Variants in SGCZ observed in about 807,000 individuals in gnomAD.
SGCZ encodes sarcoglycan zeta.
Under a neutral mutation model 41.3 loss-of-function variants are expected in SGCZ, and 40 were observed. That is an observed-to-expected ratio of 0.97 (90% CI 0.75 to 1.26). The LOEUF (loss-of-function observed/expected upper bound fraction) is 1.26, where lower values mean the gene tolerates loss of function less well. Among genes scored for constraint, SGCZ ranks in the 50% most tolerant of loss-of-function variants. SGCZ has a pLI of 0.00. For missense variants in SGCZ, 552 were observed against 369.8 expected, an observed-to-expected ratio of 1.49 and a Z score of -4.04; for synonymous variants, 206 against 137.5, an observed-to-expected ratio of 1.50 and a Z score of -3.49.
chr8:14,453,447 G>T (rs1800655966), intron 2 of SGCZ, among the ~76,000 whole-genome samples: 1 of 151,996 alleles, frequency 6.6e-6, no homozygotes, highest in Non-Finnish European at 1.5e-5. Context: ...TTTCTTGTTT[G>T]GGTACTAAGT....
At chr8:15,077,416 C>T (rs1805575810) in intron 1 of SGCZ, among the ~76,000 whole-genome samples, 1 of 152,170 alleles carries the variant, frequency 6.6e-6, no homozygotes, top group Admixed American at 6.5e-5. Context: ...AAAGTAAGAA[C>T]TTGTTGCAAG....
At chr8:15,193,367 G>T (rs1040479534) in intron 1 of SGCZ, among the ~76,000 whole-genome samples, 1 of 152,030 alleles carries the variant, frequency 6.6e-6, no homozygotes, top group Non-Finnish European at 1.5e-5. Context: ...ACTGTCACAC[G>T]TTGAATTATT....
At chr8:14,628,027 C>T (rs1384182361) in intron 1 of SGCZ, among the ~76,000 whole-genome samples, 1 of 152,050 alleles carries the variant, frequency 6.6e-6, no homozygotes, top group East Asian at 1.9e-4. Context: ...ATTATATTCC[C>T]AGTTAAGCAT....
In SGCZ at chr8:14,710,453, T is replaced by A. The variant is rs145292302; in HGVS notation, c.40-155527A>T. ...AACAATTCAATGGAGCAATTAAAACTTATATTTTCAGAAGTTCTTCAAGTG... is the reference window on the plus strand; with the variant it reads ...AACAATTCAATGGAGCAATTAAAACATATATTTTCAGAAGTTCTTCAAGTG... On this transcript the variant is annotated intron_variant, in intron 1 of 7. Transcript: ENST00000382080. Among the ~76,000 whole-genome samples, 408 of 151,980 alleles carry A rather than the reference T, an allele frequency of 2.7e-3. 3 individuals are homozygous for A. The highest frequency in any genetic ancestry group is 8.9e-3 in the African/African-American group (369 of 41,496).
intron 1 of SGCZ, among the ~76,000 whole-genome samples, chr8:14,840,188 C>G (rs1405752940): frequency 1.3e-5 from 2 of 151,940 alleles, no homozygotes; most frequent in Non-Finnish European, 2.9e-5. Context: ...AAGACAATTC[C>G]TGCTTAAGGG....
chr8:14,197,101 T>C (rs936991395), intron 4 of SGCZ, among the ~76,000 whole-genome samples: 66 of 152,270 alleles, frequency 4.3e-4, no homozygotes, highest in African/African-American at 1.4e-3. Flanking sequence ...ATGTTTAATA[T>C]CATGTAAATT....
chr8:14,949,551 C>A (rs1262715615), intron 1 of SGCZ, among the ~76,000 whole-genome samples: 1 of 152,002 alleles, frequency 6.6e-6, no homozygotes, highest in Non-Finnish European at 1.5e-5. Context: ...AAAATCAATA[C>A]TTTGGAGATC....
chr8:14,800,605 C>A (rs1479427923), intron 1 of SGCZ, among the ~76,000 whole-genome samples: 1 of 152,080 alleles, frequency 6.6e-6, no homozygotes, highest in Non-Finnish European at 1.5e-5. Context: ...CCCAGGAGAT[C>A]TGGTTCTTTG....
chr8:14,720,038 G>A lies in SGCZ; in HGVS notation c.40-165112C>T, dbSNP rs1036074902. On this transcript the variant is annotated intron_variant, in intron 1 of 7. Transcript: ENST00000382080. ...TCTTGAATTAATTTTTGTAGAAGGT[G>A]TAAGGAAGGGATCCAGTTTCAGCTT... 2.0e-5 allele frequency among the ~76,000 whole-genome samples: 3 copies of A among 151,994 alleles called. No individual in the cohort carries two copies. The East Asian group carries it at 5.8e-4, about 29-fold the overall frequency.
At chr8:14,558,584 G>GAGAC (rs1287534911) in intron 1 of SGCZ, among the ~76,000 whole-genome samples, 1 of 142,572 alleles carries the variant, frequency 7.0e-6, no homozygotes, top group Non-Finnish European at 1.5e-5. Flanking sequence ...TAGAGAGAGA[G>GAGAC]AGAGAGAGAG....
At chr8:14,187,237 G>C (rs1455783529) in intron 4 of SGCZ, among the ~76,000 whole-genome samples, 1 of 152,184 alleles carries the variant, frequency 6.6e-6, no homozygotes, top group Non-Finnish European at 1.5e-5. Context: ...AGGAAATCCA[G>C]AGTTGGGATT....
chr8:15,151,870 G>C (rs1799188987), intron 1 of SGCZ, among the ~76,000 whole-genome samples: 1 of 152,088 alleles, frequency 6.6e-6, no homozygotes, highest in Non-Finnish European at 1.5e-5. Context: ...CATCTTCAGA[G>C]AACTCTTGAT....
At chr8:14,739,003 G>C (rs895531730) in intron 1 of SGCZ, among the ~76,000 whole-genome samples, 1 of 151,986 alleles carries the variant, frequency 6.6e-6, no homozygotes, top group Admixed American at 6.6e-5. Flanking sequence ...GAATATACAT[G>C]CATTATCAGG....
chr8:15,002,870 T>C (rs369008636), intron 1 of SGCZ, among the ~76,000 whole-genome samples: 12 of 152,222 alleles, frequency 7.9e-5, no homozygotes, highest in East Asian at 3.9e-4. Context: ...CCACATGCCA[T>C]AGGAGGGACC....
chr8:14,235,409 T>C (rs1207263362), intron 4 of SGCZ, among the ~76,000 whole-genome samples: 1 of 152,242 alleles, frequency 6.6e-6, no homozygotes. Flanking sequence ...CTTAATAATT[T>C]GCTGCATTTA....
intron 5 of SGCZ, among the ~76,000 whole-genome samples, chr8:14,119,405 A>T (rs73520393): frequency 0.18 from 28,052 of 152,022 alleles, 3,395 homozygotes; most frequent in East Asian, 0.64. Flanking sequence ...TTTTGCACAT[A>T]GATTTTGTAT....
chr8:14,419,071 G>A (rs1261368844), intron 2 of SGCZ, among the ~76,000 whole-genome samples: 1 of 151,804 alleles, frequency 6.6e-6, no homozygotes, highest in Non-Finnish European at 1.5e-5. Flanking sequence ...GGCAACATAA[G>A]AAGCCTAGGA....
chr8:14,734,526 C>T (rs1394252654), intron 1 of SGCZ, among the ~76,000 whole-genome samples: 1 of 152,122 alleles, frequency 6.6e-6, no homozygotes, highest in Non-Finnish European at 1.5e-5. Context: ...ATTTTTGCCA[C>T]ATTTCATGAA....
chr8:14,238,747 G>A (rs191961034), intron 3 of SGCZ, among the ~76,000 whole-genome samples: 42 of 151,120 alleles, frequency 2.8e-4, no homozygotes, highest in Non-Finnish European at 4.9e-4. Context: ...ATAATGTTCT[G>A]GGGGGGGACA....
Sources: allele counts gnomAD v4.1 joint callset (sites outside exome capture counted in the v4.1 genomes callset), GRCh38; gene constraint gnomAD v4.1.1; transcripts MANE v1.5; gene names NCBI Gene and HGNC (gene_info 2026-07-23, HGNC 2026-07-21).